AATF: variants seen among roughly 807,000 people sequenced by gnomAD.
The protein encoded by AATF is protein AATF.
AATF carries 48 observed loss-of-function variants against 63.7 expected under a neutral mutation model. The observed-to-expected ratio is 0.75, with a 90% CI of 0.60 to 0.96. The LOEUF (loss-of-function observed/expected upper bound fraction) is 0.96, where lower values mean the gene tolerates loss of function less well. Ranked by LOEUF, AATF falls within the 40% of genes least tolerant of loss-of-function variation. The probability of loss-of-function intolerance (pLI) is 0.00; values close to 1 mark genes in which losing one functional copy is unlikely to be tolerated. For missense variants in AATF, 639 were observed against 685.7 expected (o/e 0.93, Z 0.76); for synonymous variants, 258 against 247.7 (o/e 1.04, Z -0.39).
rs531215077 is a variant in AATF at position 36,999,506 on chromosome 17, T to C, written c.1398+8649T>C. ...TGCTAGTTGCTATTGTATTGGATAGTGCAAATGTAGAACATTTCCATTACC... is the reference window on the plus strand; with the variant it reads ...TGCTAGTTGCTATTGTATTGGATAGCGCAAATGTAGAACATTTCCATTACC... On this transcript the variant is annotated intron_variant, in intron 8 of 11. Coordinates refer to ENST00000619387, the MANE Select transcript of AATF (RefSeq NM_012138.4). 7.9e-5 allele frequency among the ~76,000 whole-genome samples: 12 copies of C among 152,322 alleles called. No individual in the cohort carries two copies. The South Asian group carries it at 1.7e-3, about 21-fold the overall frequency.
intron 10 of AATF, among the ~76,000 whole-genome samples, chr17:37,024,632 G>A (rs1485959880): frequency 6.6e-6 from 1 of 152,150 alleles, no homozygotes; most frequent in Non-Finnish European, 1.5e-5. Context: ...AAAGATTTTA[G>A]GCAGAGGAAT....
intron 4 of AATF, among the ~76,000 whole-genome samples, chr17:36,965,613 A>T (rs1240975771): frequency 6.6e-6 from 1 of 152,182 alleles, no homozygotes; most frequent in Non-Finnish European, 1.5e-5. Context: ...AGTGTTTTCC[A>T]GTGACAAGGT....
intron 8 of AATF, among the ~76,000 whole-genome samples, chr17:37,000,531 T>C (rs1299907420): frequency 6.6e-6 from 1 of 152,210 alleles, no homozygotes; most frequent in Non-Finnish European, 1.5e-5. Context: ...TTGTTTATGA[T>C]ACTTCTGCCA....
At chr17:37,033,116 T>C (rs1202144124) in intron 11 of AATF, among the ~76,000 whole-genome samples, 1 of 152,266 alleles carries the variant, frequency 6.6e-6, no homozygotes, top group African/African-American at 2.4e-5. Flanking sequence ...ATTTGGTTTA[T>C]TCAGTACTTT....
intron 8 of AATF, among the ~76,000 whole-genome samples, chr17:37,006,232 G>A (rs575099414): frequency 6.6e-6 from 1 of 152,328 alleles, no homozygotes; most frequent in East Asian, 1.9e-4. Flanking sequence ...CACTTTGGGA[G>A]GCCAAAGCGG....
intron 8 of AATF, among the ~76,000 whole-genome samples, chr17:37,016,711 CTT>C (rs1008895980): frequency 2.8e-5 from 4 of 143,014 alleles, no homozygotes; most frequent in Non-Finnish European, 4.6e-5. Flanking sequence ...TCTCAAATCT[CTT>C]TTTTTTTTTT....
At chr17:36,993,324 C>T (rs2071229883) in intron 8 of AATF, among the ~76,000 whole-genome samples, 1 of 152,114 alleles carries the variant, frequency 6.6e-6, no homozygotes, top group Non-Finnish European at 1.5e-5. Context: ...CCCAAATATG[C>T]TTCTTGGGAG....
At chr17:36,952,573 A>G (rs1428875755) in intron 2 of AATF, among the ~76,000 whole-genome samples, 1 of 152,246 alleles carries the variant, frequency 6.6e-6, no homozygotes, top group East Asian at 1.9e-4. Flanking sequence ...CTTGCCCCAC[A>G]GTTAAAATTT....
intron 11 of AATF, among the ~76,000 whole-genome samples, chr17:37,038,998 T>C (rs999470078): frequency 1.3e-5 from 2 of 152,222 alleles, no homozygotes; most frequent in Admixed American, 1.3e-4. Context: ...CAGCTTGCCA[T>C]TTTTGTGTAT....
intron 11 of AATF, among the ~76,000 whole-genome samples, chr17:37,043,569 CAAA>C (rs1425715805): frequency 2.6e-5 from 4 of 152,250 alleles, no homozygotes; most frequent in African/African-American, 9.6e-5. Context: ...ACTTAAAAGT[CAAA>C]GAAGTATGCC....
chr17:36,993,039 A>G, intron 8 of AATF, among the ~76,000 whole-genome samples: 1 of 152,198 alleles, frequency 6.6e-6, no homozygotes, highest in Non-Finnish European at 1.5e-5. Context: ...TAGGAACTGG[A>G]CCAGTTGCCA....
chr17:37,035,056 G>A (rs1450744893), intron 11 of AATF, among the ~76,000 whole-genome samples: 5 of 150,872 alleles, frequency 3.3e-5, no homozygotes, highest in South Asian at 4.2e-4. Flanking sequence ...CCCAGGAGGC[G>A]GAGCTTGCAG....
chr17:36,949,111 CGG>C lies in AATF; in HGVS notation c.-13_-12del. ...TTTACGTGCGCGAAGCGGAGTGGAC[CGG>C]GAGCTGGTGACGATGGCGGGGCCGC... is the stretch of plus-strand genomic sequence containing the variant. On this transcript the variant is annotated 5_prime_UTR_variant, in exon 1 of 12. Transcript: ENST00000619387. 2 of 1,566,110 alleles carry C rather than the reference CGG, an allele frequency of 1.3e-6. No individual in the cohort carries two copies. Among genetic ancestry groups the C allele is most frequent in the Non-Finnish European group, 1.7e-6 (2 of 1,155,250 alleles).
intron 11 of AATF, among the ~76,000 whole-genome samples, chr17:37,042,628 A>G (rs1347805992): frequency 1.4e-5 from 2 of 142,338 alleles, no homozygotes; most frequent in Non-Finnish European, 3.0e-5. Flanking sequence ...GTGTTGCCCC[A>G]GCTGGTCTTG....
intron 4 of AATF, among the ~76,000 whole-genome samples, chr17:36,974,659 T>C (rs911604332): frequency 6.6e-6 from 1 of 152,210 alleles, no homozygotes. Flanking sequence ...ATAATTTTGT[T>C]TCATCTTTGT....
At chr17:36,956,982 A>G (rs1323529620) in intron 4 of AATF, among the ~76,000 whole-genome samples, 4 of 152,026 alleles carry the variant, frequency 2.6e-5, no homozygotes, top group Non-Finnish European at 5.9e-5. Flanking sequence ...CCCCCCCGAA[A>G]AAAAAAAGAG....
At chr17:37,045,795 T>C (rs554010845) in intron 11 of AATF, 1 of 152,370 alleles carries the variant, frequency 6.6e-6, no homozygotes, top group East Asian at 1.9e-4. Flanking sequence ...ATCAAACTGC[T>C]GACCTCAGAG....
At chr17:36,960,789 C>G (rs1053290398) in intron 4 of AATF, among the ~76,000 whole-genome samples, 5 of 152,066 alleles carry the variant, frequency 3.3e-5, no homozygotes, top group African/African-American at 1.2e-4. Flanking sequence ...GCTTAAGGAC[C>G]CTTATTGCTG....
At chr17:36,971,770 A>G (rs1389620151) in intron 4 of AATF, among the ~76,000 whole-genome samples, 1 of 152,220 alleles carries the variant, frequency 6.6e-6, no homozygotes, top group Admixed American at 6.5e-5. Flanking sequence ...CCTCAAGGGT[A>G]TTATACTAAG....
Sources: gnomAD v4.1 joint callset for allele counts (sites outside exome capture counted in the v4.1 genomes callset) on GRCh38, gnomAD v4.1.1 for gene constraint, MANE v1.5 for transcripts, NCBI Gene and HGNC (gene_info 2026-07-23, HGNC 2026-07-21) for gene names.